SPMIP10: variants seen among roughly 807,000 people sequenced by gnomAD.
The protein encoded by SPMIP10 is sperm microtubule inner protein 10.
At chr5:126,633,968 A>T in the SPMIP10 span, among the ~76,000 whole-genome samples, 2 of 152,138 alleles carry the variant, frequency 1.3e-5, no homozygotes, top group African/African-American at 4.8e-5. Context: ...TCCAGTCAGT[A>T]GTTTTATAAC....
At chr5:126,636,030 A>T in the SPMIP10 span, 1 of 1,610,556 alleles carries the variant, frequency 6.2e-7, no homozygotes, top group Non-Finnish European at 8.5e-7. Context: ...CTTTTCTCTT[A>T]GCAAGCAGAA....
At chr5:126,633,414 G>A in the SPMIP10 span, among the ~76,000 whole-genome samples, 1 of 152,068 alleles carries the variant, frequency 6.6e-6, no homozygotes, top group Non-Finnish European at 1.5e-5. Flanking sequence ...AGGCTGGAGT[G>A]CAGTGGCGTG....
At chr5:126,636,141 G>T in the SPMIP10 span, 18 of 1,613,930 alleles carry the variant, frequency 1.1e-5, no homozygotes, top group African/African-American at 2.7e-5. Context: ...TTCCAAAAAG[G>T]CCCACCAGAA....
chr5:126,635,489 G>T, the SPMIP10 span, among the ~76,000 whole-genome samples: 4 of 151,972 alleles, frequency 2.6e-5, no homozygotes, highest in South Asian at 2.1e-4. Flanking sequence ...GACTTGAAAA[G>T]GTCACGTTAA....
the SPMIP10 span, among the ~76,000 whole-genome samples, chr5:126,632,333 C>G: frequency 6.9e-6 from 1 of 145,330 alleles, no homozygotes; most frequent in Non-Finnish European, 1.5e-5. Flanking sequence ...GGACAGCATG[C>G]AGTTAGAATT....
At chr5:126,632,552 AG>A in the SPMIP10 span, 2 of 1,579,232 alleles carry the variant, frequency 1.3e-6, no homozygotes, top group Non-Finnish European at 1.7e-6. Context: ...TCAGGTATGA[AG>A]AGATTCATTT....
the SPMIP10 span, among the ~76,000 whole-genome samples, chr5:126,633,032 T>TATATATATATAA: frequency 6.8e-6 from 1 of 146,506 alleles, no homozygotes; most frequent in Non-Finnish European, 1.5e-5. Context: ...TATATATATA[T>TATATATATATAA]AATTTAGTAT....
the SPMIP10 span, chr5:126,636,177 A>AT: frequency 1.2e-6 from 2 of 1,614,092 alleles, no homozygotes; most frequent in Non-Finnish European, 1.7e-6. Context: ...ATGCCTTTGC[A>AT]TTCGCCTCTC....
the SPMIP10 span, chr5:126,636,216 A>G: frequency 6.2e-7 from 1 of 1,614,122 alleles, no homozygotes; most frequent in South Asian, 1.1e-5. Flanking sequence ...GTGATTTCCC[A>G]TGGCTTCAGG....
the SPMIP10 span, among the ~76,000 whole-genome samples, chr5:126,633,262 A>G: frequency 6.6e-6 from 1 of 152,100 alleles, no homozygotes; most frequent in Non-Finnish European, 1.5e-5. Context: ...TTTAGATTAT[A>G]CTGCATATTC....
At chr5:126,632,637 A>C in the SPMIP10 span, 1 of 1,594,320 alleles carries the variant, frequency 6.3e-7, no homozygotes, top group South Asian at 1.1e-5. Flanking sequence ...CATGATATTC[A>C]GGAATGTGAA....
chr5:126,636,053 C>G, the SPMIP10 span: 1 of 1,613,760 alleles, frequency 6.2e-7, no homozygotes, highest in Non-Finnish European at 8.5e-7. Flanking sequence ...GTGTGGGATC[C>G]ATACTGGCCC....
chr5:126,633,556 C>T, the SPMIP10 span, among the ~76,000 whole-genome samples: 1 of 152,002 alleles, frequency 6.6e-6, no homozygotes, highest in Non-Finnish European at 1.5e-5. Flanking sequence ...GATGGGGTCT[C>T]ACTATGTCTT....
At chr5:126,634,501 G>A in the SPMIP10 span, among the ~76,000 whole-genome samples, 1 of 152,116 alleles carries the variant, frequency 6.6e-6, no homozygotes, top group African/African-American at 2.4e-5. Flanking sequence ...TAATTTAGTG[G>A]CATATCAAGG....
the SPMIP10 span, chr5:126,631,831 A>G: frequency 5.1e-6 from 8 of 1,574,792 alleles, no homozygotes; most frequent in South Asian, 4.5e-5. Flanking sequence ...GTAAGGATTT[A>G]TGGGATTCTG....
chr5:126,636,088 T>C, the SPMIP10 span: 1 of 1,613,998 alleles, frequency 6.2e-7, no homozygotes, highest in Non-Finnish European at 8.5e-7. Context: ...TGTTTTTGAA[T>C]CACAGTGAAA....
At chr5:126,635,850 T>C in the SPMIP10 span, among the ~76,000 whole-genome samples, 5 of 152,060 alleles carry the variant, frequency 3.3e-5, no homozygotes, top group East Asian at 1.9e-4. Flanking sequence ...TTTGTATAGA[T>C]GGGGTCTTGC....
the SPMIP10 span, among the ~76,000 whole-genome samples, chr5:126,632,986 CTAAA>C: frequency 8.2e-6 from 1 of 121,886 alleles, no homozygotes; most frequent in South Asian, 2.3e-4. Context: ...GACTCTGTCT[CTAAA>C]TAAATAAATA....
chr5:126,633,832 T>G, the SPMIP10 span, among the ~76,000 whole-genome samples: 4 of 151,092 alleles, frequency 2.6e-5, no homozygotes, highest in African/African-American at 9.8e-5. Flanking sequence ...CCCGGAGAGT[T>G]TTGGTATTTT....
Sources: gnomAD v4.1 joint callset for allele counts (sites outside exome capture counted in the v4.1 genomes callset) on GRCh38, gnomAD v4.1.1 for gene constraint, MANE v1.5 for transcripts, NCBI Gene and HGNC (gene_info 2026-07-23, HGNC 2026-07-21) for gene names.